RELN: variants seen among roughly 807,000 people sequenced by gnomAD.
The protein encoded by RELN is reelin.
A neutral mutation model predicts 427.6 loss-of-function variants in RELN; 108 were observed. The ratio of observed to expected loss-of-function variants is 0.25; its 90% confidence interval spans 0.22 to 0.30. The LOEUF is 0.30. Among genes scored for constraint, RELN ranks in the 10% least tolerant of loss-of-function variants. RELN has a pLI of 1.00. For missense variants in RELN, 3,715 were observed against 4,302.8 expected (o/e 0.86, Z 3.82); for synonymous variants, 1,524 against 1,513.4 (o/e 1.01, Z -0.16).
chr7:103,920,384 T>G (rs767840952), intron 1 of RELN, among the ~76,000 whole-genome samples: 1 of 152,146 alleles, frequency 6.6e-6, no homozygotes, highest in Non-Finnish European at 1.5e-5. Context: ...AACTCAGACC[T>G]GTTAATAAGC....
chr7:103,799,319 G>A (rs1057196107), intron 3 of RELN, among the ~76,000 whole-genome samples: 5 of 152,094 alleles, frequency 3.3e-5, no homozygotes, highest in African/African-American at 4.8e-5. Context: ...TATATGACTA[G>A]GTCTAGTTAC....
chr7:103,538,089 G>C (rs1176516014), intron 45 of RELN, among the ~76,000 whole-genome samples: 1 of 152,184 alleles, frequency 6.6e-6, no homozygotes. Context: ...TCTTTTCCAA[G>C]TTCCATCCCC....
At chr7:103,975,433 A>C (rs1219992007) in intron 1 of RELN, among the ~76,000 whole-genome samples, 2 of 152,254 alleles carry the variant, frequency 1.3e-5, no homozygotes, top group Non-Finnish European at 2.9e-5. Context: ...AAGGTAAAAC[A>C]GCAAAATACA....
In RELN at chr7:103,654,099, T is replaced by G; in HGVS notation, c.1548A>C (p.Ser516=). The change falls in exon 13 of 65, where the codon TCA becomes TCC. Residue 516 remains serine, a synonymous_variant. Coordinates refer to ENST00000428762, the MANE Select transcript of RELN (RefSeq NM_005045.4). The stretch of plus-strand genomic sequence containing the variant: ...CACAGACTGGCATGTGTACCTTATA[T>G]GAGGAATAGGAAAGGGTATCCAGTG... The part of the protein sequence containing the change: ...HITLDTLSYS[S]YKVPSLVSVV... 160 of 1,554,694 alleles carry G rather than the reference T, an allele frequency of 1.0e-4. No individual in the cohort carries two copies. Among genetic ancestry groups the G allele is most frequent in the Middle Eastern group, 1.7e-4 (1 of 5,934 alleles).
chr7:103,750,551 C>T (rs747292269), intron 5 of RELN, among the ~76,000 whole-genome samples: 8 of 152,168 alleles, frequency 5.3e-5, no homozygotes, highest in Admixed American at 1.3e-4. Context: ...GCCCAGACAG[C>T]GTCAGTGTCT....
chr7:103,790,126 T>G (rs555599441), intron 3 of RELN, among the ~76,000 whole-genome samples: 3 of 151,458 alleles, frequency 2.0e-5, no homozygotes, highest in African/African-American at 4.9e-5. Context: ...TAAGTGGGAG[T>G]TGAACAATGA....
At chr7:103,985,415 C>G (rs1308774754) in intron 1 of RELN, among the ~76,000 whole-genome samples, 1 of 152,180 alleles carries the variant, frequency 6.6e-6, no homozygotes, top group Non-Finnish European at 1.5e-5. Flanking sequence ...CTCACCAAAG[C>G]TCAAGTATTT....
chr7:103,661,324 G>A, intron 12 of RELN, 52 bp downstream of exon 12: 1 of 1,571,704 alleles, frequency 6.4e-7, no homozygotes, highest in South Asian at 1.1e-5. Context: ...AGGAATAGGT[G>A]CTGGCCTAGG....
At chr7:103,552,889 T>C (rs956438338) in intron 40 of RELN, among the ~76,000 whole-genome samples, 1 of 152,180 alleles carries the variant, frequency 6.6e-6, no homozygotes, top group Non-Finnish European at 1.5e-5. Context: ...AAAACGCTGG[T>C]ATAATATACC....
At chr7:103,508,473 ATAAC>A (rs1361041720) in intron 51 of RELN, among the ~76,000 whole-genome samples, 1 of 152,218 alleles carries the variant, frequency 6.6e-6, no homozygotes, top group African/African-American at 2.4e-5. Flanking sequence ...TAAAAACTCA[ATAAC>A]TAGGTATTGA....
At chr7:103,749,602 A>G in intron 5 of RELN, 98 bp from the exon 6 acceptor site, 1 of 876,484 alleles carries the variant, frequency 1.1e-6, no homozygotes, top group South Asian at 1.4e-5. Context: ...AGAATAATGT[A>G]TCCTAAAACT....
At chr7:103,661,553 T>TA (rs1833144482) in intron 11 of RELN, 26 bp from the exon 12 acceptor site, 2 of 1,609,780 alleles carry the variant, frequency 1.2e-6, no homozygotes, top group Non-Finnish European at 1.7e-6. Context: ...GATTAAGAGT[T>TA]AGAGTTAGAA....
chr7:103,694,082 G>C (rs1445008437), intron 10 of RELN, among the ~76,000 whole-genome samples: 1 of 152,110 alleles, frequency 6.6e-6, no homozygotes, highest in Non-Finnish European at 1.5e-5. Flanking sequence ...AACAAAACCA[G>C]TCTTCTGGAG....
At chr7:103,633,722 AGATT>A (rs1224025002) in intron 19 of RELN, among the ~76,000 whole-genome samples, 1 of 152,158 alleles carries the variant, frequency 6.6e-6, no homozygotes, top group Non-Finnish European at 1.5e-5. Context: ...TTCATGATAT[AGATT>A]GATTACTGAA....
intron 30 of RELN, 33 bp downstream of exon 30, chr7:103,574,059 T>C: frequency 6.6e-7 from 1 of 1,511,014 alleles, no homozygotes; most frequent in Middle Eastern, 1.7e-4. Flanking sequence ...AATAATATGT[T>C]TGTGAAAAAG....
rs189874662 is a variant in RELN at position 103,575,964 on chromosome 7, G to A, written c.4146-259C>T. Among the ~76,000 whole-genome samples the A allele has an allele frequency of 3.0e-3, 463 of 152,034 alleles. 6 individuals are homozygous for A. The highest frequency in any genetic ancestry group is 0.011 in the African/African-American group (448 of 41,476). On this transcript the variant is annotated intron_variant, in intron 28 of 64. Transcript: ENST00000428762. ...GTGATCTCAGCTCCCTGTAACCTCCGCCTTCCAGGTTCAAGAGATTCTCTT... is the reference window on the plus strand; with the variant it reads ...GTGATCTCAGCTCCCTGTAACCTCCACCTTCCAGGTTCAAGAGATTCTCTT...
chr7:103,750,062 C>A (rs993042987), intron 5 of RELN, among the ~76,000 whole-genome samples: 3 of 152,172 alleles, frequency 2.0e-5, no homozygotes, highest in Non-Finnish European at 4.4e-5. Flanking sequence ...TCACTGCAAC[C>A]TTAGTCTCCT....
At chr7:103,878,511 G>A (rs1794535673) in intron 2 of RELN, among the ~76,000 whole-genome samples, 1 of 152,094 alleles carries the variant, frequency 6.6e-6, no homozygotes, top group African/African-American at 2.4e-5. Context: ...GCCTGCTCTA[G>A]AAACAAGAGT....
intron 22 of RELN, 45 bp from the exon 23 acceptor site, chr7:103,604,528 G>A (rs1831768151): frequency 6.2e-7 from 1 of 1,607,800 alleles, no homozygotes; most frequent in Non-Finnish European, 8.5e-7. Flanking sequence ...CAACCTTTCA[G>A]CAGTGACATT....
Sources: gnomAD v4.1 joint callset for allele counts (sites outside exome capture counted in the v4.1 genomes callset) on GRCh38, gnomAD v4.1.1 for gene constraint, MANE v1.5 for transcripts, NCBI Gene and HGNC (gene_info 2026-07-23, HGNC 2026-07-21) for gene names.